Variants in ROBO2 observed in about 807,000 individuals in gnomAD.
The protein encoded by ROBO2 is roundabout homolog 2.
A neutral mutation model predicts 160.8 loss-of-function variants in ROBO2; 53 were observed. The ratio of observed to expected loss-of-function variants is 0.33; its 90% CI spans 0.26 to 0.41. ROBO2 has a LOEUF of 0.41. Among genes scored for constraint, ROBO2 ranks in the 10% least tolerant of loss-of-function variants. The pLI is 1.00. For missense variants in ROBO2, 1,577 were observed against 1,722.4 expected, an observed-to-expected ratio of 0.92 and a Z score of 1.49; for synonymous variants, 664 against 611.7, an observed-to-expected ratio of 1.09 and a Z score of -1.26.
At chr3:76,175,977 A>AT (rs931111140) in intron 2 of ROBO2, among the ~76,000 whole-genome samples, 4 of 150,544 alleles carry the variant, frequency 2.7e-5, no homozygotes, top group East Asian at 2.0e-4. Context: ...AGAATTTTTT[A>AT]TTTTTTTTTC....
intron 2 of ROBO2, among the ~76,000 whole-genome samples, chr3:76,126,522 T>G (rs1197194350): frequency 1.3e-5 from 2 of 152,116 alleles, no homozygotes; most frequent in Non-Finnish European, 2.9e-5. Flanking sequence ...TCAAGAAACA[T>G]GACATTGTAA....
At chr3:76,643,176 C>G (rs1206984840) in intron 2 of ROBO2, among the ~76,000 whole-genome samples, 2 of 152,048 alleles carry the variant, frequency 1.3e-5, no homozygotes, top group Non-Finnish European at 2.9e-5. Flanking sequence ...ATATAATCAG[C>G]AATCAGAAAT....
chr3:77,414,825 A>T (rs2077081658), intron 2 of ROBO2, among the ~76,000 whole-genome samples: 1 of 152,264 alleles, frequency 6.6e-6, no homozygotes, highest in African/African-American at 2.4e-5. Flanking sequence ...GAAAGAGAAC[A>T]GATTTCCAGA....
At chr3:76,315,437 G>A (rs749274515) in intron 2 of ROBO2, among the ~76,000 whole-genome samples, 2 of 152,108 alleles carry the variant, frequency 1.3e-5, no homozygotes, top group Admixed American at 6.5e-5. Context: ...ATTGTATTAT[G>A]AGCACATACT....
At chr3:77,325,751 T>C (rs2065312490) in intron 2 of ROBO2, among the ~76,000 whole-genome samples, 1 of 152,188 alleles carries the variant, frequency 6.6e-6, no homozygotes, top group Admixed American at 6.5e-5. Flanking sequence ...TGTAACTATC[T>C]ATTAGGCACA....
intron 2 of ROBO2, among the ~76,000 whole-genome samples, chr3:76,696,303 A>G (rs983904267): frequency 1.3e-5 from 2 of 152,118 alleles, no homozygotes; most frequent in African/African-American, 2.4e-5. Context: ...AAGACGTAAT[A>G]TTGCTGCCTT....
chr3:76,978,673 T>C (rs1335840591), intron 2 of ROBO2, among the ~76,000 whole-genome samples: 2 of 151,976 alleles, frequency 1.3e-5, no homozygotes, highest in African/African-American at 2.4e-5. Context: ...AGAAATAAAA[T>C]AGGTAACAGA....
intron 2 of ROBO2, among the ~76,000 whole-genome samples, chr3:76,742,188 A>G (rs1415558853): frequency 6.6e-6 from 1 of 152,074 alleles, no homozygotes; most frequent in Admixed American, 6.5e-5. Flanking sequence ...TGCTATATAC[A>G]AAGATAAAGA....
At chr3:77,325,378 G>A (rs141693799) in intron 2 of ROBO2, among the ~76,000 whole-genome samples, 2 of 152,254 alleles carry the variant, frequency 1.3e-5, no homozygotes, top group East Asian at 1.9e-4. Flanking sequence ...CTTATAGAAC[G>A]TTAGTTATAC....
intron 2 of ROBO2, among the ~76,000 whole-genome samples, chr3:76,857,297 G>T (rs948904581): frequency 6.6e-6 from 1 of 152,150 alleles, no homozygotes; most frequent in African/African-American, 2.4e-5. Flanking sequence ...ATCCTCTTGT[G>T]AAATAGAATC....
chr3:75,963,526 GATAAC>G (rs893628175), intron 2 of ROBO2, among the ~76,000 whole-genome samples: 11 of 151,690 alleles, frequency 7.3e-5, no homozygotes, highest in Non-Finnish European at 1.5e-4. Flanking sequence ...TATAATACTT[GATAAC>G]ATAAAATAAA....
chr3:76,005,966 A>G (rs1283444584), intron 2 of ROBO2, among the ~76,000 whole-genome samples: 4 of 152,230 alleles, frequency 2.6e-5, no homozygotes, highest in Admixed American at 1.3e-4. Context: ...TTACAAAACA[A>G]AAGACTCCCA....
intron 2 of ROBO2, among the ~76,000 whole-genome samples, chr3:77,327,432 G>C (rs1402060928): frequency 2.0e-5 from 3 of 152,124 alleles, no homozygotes; most frequent in Non-Finnish European, 4.4e-5. Context: ...ACAAATTGTA[G>C]GGTGAGATTT....
intron 2 of ROBO2, among the ~76,000 whole-genome samples, chr3:76,620,667 T>C (rs568107075): frequency 5.4e-4 from 82 of 152,274 alleles, no homozygotes; most frequent in Non-Finnish European, 1.0e-3. Flanking sequence ...ATACATATAG[T>C]TTATATGTAC....
chr3:76,776,962 C>T (rs2062307794), intron 2 of ROBO2, among the ~76,000 whole-genome samples: 1 of 150,930 alleles, frequency 6.6e-6, no homozygotes, highest in Admixed American at 6.6e-5. Context: ...AGTTAACTCA[C>T]GTTCAGAGTA....
At chr3:77,397,354 G>C (rs1319957358) in intron 2 of ROBO2, among the ~76,000 whole-genome samples, 1 of 152,096 alleles carries the variant, frequency 6.6e-6, no homozygotes, top group African/African-American at 2.4e-5. Flanking sequence ...CCTTAAACCA[G>C]CCATACCTGA....
At chr3:77,542,197 C>T (rs1198737060) in intron 6 of ROBO2, among the ~76,000 whole-genome samples, 1 of 152,136 alleles carries the variant, frequency 6.6e-6, no homozygotes, top group Non-Finnish European at 1.5e-5. Flanking sequence ...ATTCCTTCAG[C>T]TGATATCCCT....
intron 2 of ROBO2, among the ~76,000 whole-genome samples, chr3:76,400,369 C>G (rs369125828): frequency 3.2e-4 from 49 of 151,674 alleles, no homozygotes; most frequent in African/African-American, 1.1e-3. Flanking sequence ...AAGGGGATAG[C>G]AACATCTAGA....
At chr3:76,668,366 C>T (rs1008949762) in intron 2 of ROBO2, among the ~76,000 whole-genome samples, 1 of 152,088 alleles carries the variant, frequency 6.6e-6, no homozygotes, top group Non-Finnish European at 1.5e-5. Context: ...CCTCAGCCTC[C>T]CAAAGTATTG....
Sources: allele counts gnomAD v4.1 joint callset (sites outside exome capture counted in the v4.1 genomes callset), GRCh38; gene constraint gnomAD v4.1.1; transcripts MANE v1.5; gene names NCBI Gene and HGNC (gene_info 2026-07-23, HGNC 2026-07-21).